SLC25A12: variants seen among roughly 807,000 people sequenced by gnomAD.
SLC25A12 encodes solute carrier family 25 member 12, also known as electrogenic aspartate/glutamate antiporter SLC25A12, mitochondrial.
A neutral mutation model predicts 83.3 loss-of-function variants in SLC25A12; 32 were observed. That is an observed-to-expected ratio of 0.38 (90% CI 0.29 to 0.52). The LOEUF (loss-of-function observed/expected upper bound fraction) is 0.52, where lower values mean the gene tolerates loss of function less well. Ranked by LOEUF, SLC25A12 falls within the 20% of genes least tolerant of loss-of-function variation. The probability of loss-of-function intolerance (pLI) is 0.84; values close to 1 mark genes in which losing one functional copy is unlikely to be tolerated. For missense variants in SLC25A12, 611 were observed against 835.6 expected, an observed-to-expected ratio of 0.73 and a Z score of 3.31; for synonymous variants, 267 against 291.1, an observed-to-expected ratio of 0.92 and a Z score of 0.84.
chr2:171,858,813 A>G (rs973275101), intron 3 of SLC25A12, among the ~76,000 whole-genome samples: 1 of 152,190 alleles, frequency 6.6e-6, no homozygotes, highest in African/African-American at 2.4e-5. Context: ...TCAGTTATCT[A>G]TCTACAGACC....
chr2:171,883,517 G>A (rs957251976), intron 2 of SLC25A12, among the ~76,000 whole-genome samples: 2 of 152,190 alleles, frequency 1.3e-5, no homozygotes, highest in Non-Finnish European at 2.9e-5. Context: ...TAAATTGAAA[G>A]AATCGGCCAG....
chr2:171,864,241 A>G (rs1054866583), intron 3 of SLC25A12, among the ~76,000 whole-genome samples: 47 of 152,252 alleles, frequency 3.1e-4, no homozygotes, highest in African/African-American at 1.1e-3. Context: ...TAGGAGAAAG[A>G]GCCTAGGCCC....
At chr2:171,807,286 G>C (rs1437548118) in intron 13 of SLC25A12, among the ~76,000 whole-genome samples, 1 of 152,088 alleles carries the variant, frequency 6.6e-6, no homozygotes, top group Non-Finnish European at 1.5e-5. Context: ...ATCCATCAAA[G>C]CCTCCAGAAA....
chr2:171,875,007 G>C (rs970017713), intron 2 of SLC25A12, among the ~76,000 whole-genome samples: 2 of 152,294 alleles, frequency 1.3e-5, no homozygotes, highest in South Asian at 4.1e-4. Context: ...CAATCAGACC[G>C]ACTGCAGGCA....
At chr2:171,869,392 A>AC (rs1685410605) in intron 2 of SLC25A12, among the ~76,000 whole-genome samples, 1 of 152,210 alleles carries the variant, frequency 6.6e-6, no homozygotes, top group Non-Finnish European at 1.5e-5. Context: ...ATATGAAAAG[A>AC]CTAAGAAAAG....
intron 4 of SLC25A12, among the ~76,000 whole-genome samples, chr2:171,850,341 T>G (rs1267698642): frequency 8.1e-6 from 1 of 123,622 alleles, no homozygotes; most frequent in Non-Finnish European, 1.7e-5. Flanking sequence ...GTCTTTGTTT[T>G]TTTTTTTTTT....
At chr2:171,879,632 T>C (rs956278466) in intron 2 of SLC25A12, among the ~76,000 whole-genome samples, 2 of 152,208 alleles carry the variant, frequency 1.3e-5, no homozygotes, top group African/African-American at 4.8e-5. Context: ...ATAATTAATT[T>C]GCATCATTCC....
At chr2:171,845,840 T>G in intron 4 of SLC25A12, 1 of 455,330 alleles carries the variant, frequency 2.2e-6, no homozygotes, top group Admixed American at 2.4e-5. Flanking sequence ...TGAAATGGAA[T>G]GCAGGATTCA....
intron 4 of SLC25A12, among the ~76,000 whole-genome samples, chr2:171,847,742 C>T (rs1449702001): frequency 6.6e-6 from 1 of 152,118 alleles, no homozygotes; most frequent in Non-Finnish European, 1.5e-5. Flanking sequence ...AGTTTTCTGA[C>T]ATATAGAAAA....
At chr2:171,848,305 G>A in intron 4 of SLC25A12, 1 of 470,976 alleles carries the variant, frequency 2.1e-6, no homozygotes. Context: ...TCAGCCCTGT[G>A]ACACAGCCCA....
chr2:171,846,731 G>A (rs567358476), intron 4 of SLC25A12, among the ~76,000 whole-genome samples: 2 of 152,206 alleles, frequency 1.3e-5, no homozygotes, highest in East Asian at 1.9e-4. Context: ...GCTTGAACTC[G>A]GGAGGCGGAG....
intron 17 of SLC25A12, among the ~76,000 whole-genome samples, chr2:171,786,608 G>C (rs985099278): frequency 2.0e-5 from 3 of 152,096 alleles, no homozygotes; most frequent in Non-Finnish European, 4.4e-5. Context: ...GAGGACTCAG[G>C]AATGGTACTT....
chr2:171,784,535 C>G lies in SLC25A12; in HGVS notation c.*739G>C, dbSNP rs11757. 44,166 of 152,344 alleles carry G rather than the reference C, an allele frequency of 0.29. 6,714 individuals carry two copies. The highest frequency in any genetic ancestry group is 0.38 in the African/African-American group (15,659 of 41,516). 9.4% of individuals were successfully genotyped at this position (152,344 alleles called of 1,614,324 possible). On this transcript the variant is annotated 3_prime_UTR_variant, in exon 18 of 18. Transcript: ENST00000422440. ...AGATGTCCCTGTTTCCATATGCACA[C>G]TGACAGGCGAGGAGCTGCCTAGGAA...
chr2:171,875,245 C>A (rs932853779), intron 2 of SLC25A12, among the ~76,000 whole-genome samples: 1 of 152,152 alleles, frequency 6.6e-6, no homozygotes, highest in South Asian at 2.1e-4. Context: ...AGTATTTGGA[C>A]GCGAGAAGTT....
At chr2:171,893,321 G>C (rs1047027923) in intron 1 of SLC25A12, 63 bp from the exon 2 acceptor site, 27 of 1,367,958 alleles carry the variant, frequency 2.0e-5, no homozygotes, top group Non-Finnish European at 2.8e-5. Flanking sequence ...AATCTCTTCA[G>C]ATTAGAGGTC....
At position 171,892,514 on chromosome 2, in the gene SLC25A12, C is replaced by T. The variant is rs550010497; in HGVS notation, c.66+691G>A. Among the ~76,000 whole-genome samples, 7 of 152,324 alleles carry T rather than the reference C, an allele frequency of 4.6e-5. No individual in the cohort carries two copies. In the East Asian group the frequency reaches 7.7e-4, roughly 17 times the overall value. Reference sequence around the variant, plus strand: ...TACTGGAATTACAGGCGTGAGCCACCGCGCCCGGCCTACATCTACTTCTTA... The same window carrying T: ...TACTGGAATTACAGGCGTGAGCCACTGCGCCCGGCCTACATCTACTTCTTA... On this transcript the variant is annotated intron_variant, in intron 2 of 17. Coordinates refer to ENST00000422440, the MANE Select transcript of SLC25A12 (RefSeq NM_003705.5).
chr2:171,884,248 T>A (rs1558945013), intron 2 of SLC25A12, among the ~76,000 whole-genome samples: 1 of 149,478 alleles, frequency 6.7e-6, no homozygotes, highest in Non-Finnish European at 1.5e-5. Context: ...TGGAGTGCAA[T>A]GACACGATCT....
intron 10 of SLC25A12, among the ~76,000 whole-genome samples, chr2:171,814,490 C>CT (rs541354798): frequency 3.1e-4 from 45 of 145,316 alleles, no homozygotes; most frequent in South Asian, 8.8e-4. Context: ...CAATTTCTTT[C>CT]TTTTTTTTTT....
intron 2 of SLC25A12, among the ~76,000 whole-genome samples, chr2:171,886,190 T>TATTCCATA (rs1685813595): frequency 6.6e-6 from 1 of 151,968 alleles, no homozygotes; most frequent in South Asian, 2.1e-4. Flanking sequence ...ATAGTATAGT[T>TATTCCATA]ATTCCATAAG....
Sources: gnomAD v4.1 joint callset for allele counts (sites outside exome capture counted in the v4.1 genomes callset) on GRCh38, gnomAD v4.1.1 for gene constraint, MANE v1.5 for transcripts, NCBI Gene and HGNC (gene_info 2026-07-23, HGNC 2026-07-21) for gene names.